Variants in DAP observed in about 807,000 individuals in gnomAD.
DAP encodes the protein death-associated protein 1.
DAP carries 8 observed loss-of-function variants against 13.8 expected under a neutral mutation model. The ratio of observed to expected loss-of-function variants is 0.58; its 90% confidence interval spans 0.34 to 1.05. DAP has a LOEUF of 1.05. Ranked by LOEUF, DAP falls within the 50% of genes least tolerant of loss-of-function variation. The probability of loss-of-function intolerance (pLI) is 0.03; values close to 1 mark genes in which losing one functional copy is unlikely to be tolerated. For missense variants in DAP, 106 were observed against 133.2 expected, an observed-to-expected ratio of 0.80 and a Z score of 1.01; for synonymous variants, 47 against 47.5, an observed-to-expected ratio of 0.99 and a Z score of 0.04.
intron 2 of DAP, among the ~76,000 whole-genome samples, chr5:10,720,148 T>C (rs527726378): frequency 1.3e-5 from 2 of 152,332 alleles, no homozygotes; most frequent in South Asian, 4.1e-4. Context: ...TTATTGACTT[T>C]ATACATAATA....
At chr5:10,744,081 G>A (rs1385436778) in intron 2 of DAP, among the ~76,000 whole-genome samples, 1 of 151,914 alleles carries the variant, frequency 6.6e-6, no homozygotes. Flanking sequence ...TCTTCCACTT[G>A]TCCCTTTTCT....
intron 2 of DAP, among the ~76,000 whole-genome samples, chr5:10,684,456 T>C (rs1306581225): frequency 6.6e-6 from 1 of 152,140 alleles, no homozygotes; most frequent in African/African-American, 2.4e-5. Flanking sequence ...ATGGATGCAG[T>C]ACCAAAGCAG....
intron 2 of DAP, among the ~76,000 whole-genome samples, chr5:10,722,219 G>A (rs1483702995): frequency 6.6e-6 from 1 of 152,138 alleles, no homozygotes; most frequent in Non-Finnish European, 1.5e-5. Flanking sequence ...CAGTGGGCTG[G>A]AGAAGGCAGA....
At chr5:10,692,506 C>G (rs1738331607) in intron 2 of DAP, among the ~76,000 whole-genome samples, 1 of 152,090 alleles carries the variant, frequency 6.6e-6, no homozygotes, top group Non-Finnish European at 1.5e-5. Context: ...CAGCGCCCAT[C>G]CCAAGTCTAA....
At chr5:10,749,054 G>A (rs560137059) in intron 1 of DAP, among the ~76,000 whole-genome samples, 2 of 152,296 alleles carry the variant, frequency 1.3e-5, no homozygotes, top group South Asian at 4.1e-4. Context: ...TGTGATATAA[G>A]TGGAATTATA....
intron 2 of DAP, among the ~76,000 whole-genome samples, chr5:10,745,157 G>A (rs998938829): frequency 6.6e-6 from 1 of 152,144 alleles, no homozygotes; most frequent in Non-Finnish European, 1.5e-5. Context: ...GGGAGTGGGA[G>A]TGCATGGTGG....
intron 2 of DAP, among the ~76,000 whole-genome samples, chr5:10,704,757 C>T (rs932398772): frequency 2.6e-5 from 4 of 152,082 alleles, no homozygotes; most frequent in African/African-American, 7.2e-5. Flanking sequence ...GATTCTAGAG[C>T]CCGTTGCCTG....
At chr5:10,712,151 G>A (rs148919875) in intron 2 of DAP, among the ~76,000 whole-genome samples, 11 of 152,304 alleles carry the variant, frequency 7.2e-5, no homozygotes, top group Non-Finnish European at 1.3e-4. Context: ...GACAGGCAGA[G>A]AGAGAAGACT....
At chr5:10,722,121 T>C (rs1410362137) in intron 2 of DAP, among the ~76,000 whole-genome samples, 2 of 152,180 alleles carry the variant, frequency 1.3e-5, no homozygotes, top group Admixed American at 1.3e-4. Flanking sequence ...TGGTTAATAA[T>C]GAGTGTCGAC....
At chr5:10,740,635 G>A (rs1080438) in intron 2 of DAP, among the ~76,000 whole-genome samples, 49,254 of 152,086 alleles carry the variant, frequency 0.32, 8,826 homozygotes, top group African/African-American at 0.49. Context: ...ATGGAATGCC[G>A]TGTTTAACAC....
At chr5:10,745,461 T>G (rs1329224676) in intron 2 of DAP, among the ~76,000 whole-genome samples, 1 of 152,200 alleles carries the variant, frequency 6.6e-6, no homozygotes, top group Non-Finnish European at 1.5e-5. Flanking sequence ...CTTCAAAATA[T>G]CTGGTTCTCT....
intron 1 of DAP, among the ~76,000 whole-genome samples, chr5:10,749,906 C>T (rs1740005272): frequency 6.6e-6 from 1 of 152,132 alleles, no homozygotes. Context: ...TTCCTCCACG[C>T]CCTCAGCTAT....
intron 2 of DAP, among the ~76,000 whole-genome samples, chr5:10,714,732 C>T (rs187335601): frequency 1.2e-3 from 184 of 152,220 alleles, no homozygotes; most frequent in African/African-American, 3.9e-3. Context: ...TTCTCATGAA[C>T]GGTTTAGTAC....
intron 2 of DAP, among the ~76,000 whole-genome samples, chr5:10,743,692 C>T (rs760888414): frequency 5.3e-5 from 8 of 152,184 alleles, no homozygotes; most frequent in Non-Finnish European, 1.0e-4. Context: ...ATGAAACTGG[C>T]TACTTTATCT....
chr5:10,721,646 T>C (rs1739145264), intron 2 of DAP, among the ~76,000 whole-genome samples: 1 of 152,124 alleles, frequency 6.6e-6, no homozygotes, highest in African/African-American at 2.4e-5. Context: ...GGACTACAAA[T>C]GGCTCAGACC....
intron 2 of DAP, among the ~76,000 whole-genome samples, chr5:10,690,104 A>AAGAC (rs1475216319): frequency 7.0e-6 from 1 of 142,022 alleles, no homozygotes; most frequent in East Asian, 2.1e-4. Flanking sequence ...TCCTTGCTTT[A>AAGAC]AGACTGCACT....
intron 2 of DAP, among the ~76,000 whole-genome samples, chr5:10,695,337 C>T (rs1348202950): frequency 1.3e-5 from 2 of 152,246 alleles, no homozygotes; most frequent in African/African-American, 2.4e-5. Context: ...CTGCTGGCAC[C>T]TGGGCACGAG....
rs1458372372 is a variant in DAP, at chr5:10,681,097, G to C, written c.268C>G (p.Pro90Ala). The change falls in exon 4 of 4, where the codon CCT becomes GCT. Residue 90 changes from proline (P) to alanine (A), a missense_variant. Transcript: ENST00000230895. ...TGGATGTGCTGGGTTCTTGGGGAAG[G>C]ATGCTTGTCCATGGAGGCATGCGGC... ...QKPHASMDKH[P>A]SPRTQHIQQP... The C allele has an allele frequency of 2.5e-6, 4 of 1,592,894 alleles. No homozygotes were observed. Among genetic ancestry groups the C allele is most frequent in the Middle Eastern group, 1.7e-4 (1 of 5,972 alleles).
intron 3 of DAP, 43 bp downstream of exon 3, chr5:10,683,486 C>T: frequency 6.3e-7 from 1 of 1,596,578 alleles, no homozygotes; most frequent in Non-Finnish European, 8.6e-7. Flanking sequence ...TCCATGCTGC[C>T]ATGCAAAAGC....
Sources: gnomAD v4.1 joint callset for allele counts (sites outside exome capture counted in the v4.1 genomes callset) on GRCh38, gnomAD v4.1.1 for gene constraint, MANE v1.5 for transcripts, NCBI Gene and HGNC (gene_info 2026-07-23, HGNC 2026-07-21) for gene names.